The following MAP2K4 variants were observed in gnomAD, a reference collection of about 807,000 sequenced individuals.
MAP2K4 encodes dual specificity mitogen-activated protein kinase kinase 4.
MAP2K4 carries 4 observed loss-of-function variants against 48.5 expected under a neutral mutation model. That is an observed-to-expected ratio of 0.08 (90% CI 0.04 to 0.19). The LOEUF is 0.19. MAP2K4 is among the 10% of genes least tolerant of loss of function. The pLI is 1.00. For missense variants in MAP2K4, 258 were observed against 493.3 expected, an observed-to-expected ratio of 0.52 and a Z score of 4.52; for synonymous variants, 166 against 173.1, an observed-to-expected ratio of 0.96 and a Z score of 0.32.
chr17:12,095,828 T>C (rs1971719043), intron 4 of MAP2K4, 134 bp downstream of exon 4: 1 of 1,147,230 alleles, frequency 8.7e-7, no homozygotes, highest in Non-Finnish European at 1.2e-6. Flanking sequence ...TGTTTAACCA[T>C]GGTAATTTAC....
At chr17:12,112,590 A>C (rs532205388) in intron 6 of MAP2K4, among the ~76,000 whole-genome samples, 2 of 151,780 alleles carry the variant, frequency 1.3e-5, no homozygotes, top group South Asian at 2.1e-4. Context: ...AGTTACATTT[A>C]GATGTTTTCT....
chr17:12,107,382 C>CTTTTTTT (rs71367383), intron 4 of MAP2K4, among the ~76,000 whole-genome samples: 1 of 106,408 alleles, frequency 9.4e-6, no homozygotes, highest in African/African-American at 3.6e-5. Context: ...TGTCTTTTTC[C>CTTTTTTT]TTTTTTTTTT....
chr17:12,083,773 ATTCC>A (rs1476084571), intron 3 of MAP2K4, among the ~76,000 whole-genome samples: 1 of 152,232 alleles, frequency 6.6e-6, no homozygotes, highest in Non-Finnish European at 1.5e-5. Context: ...GAGTTCATTC[ATTCC>A]TCATTTAGGT....
chr17:12,139,116 TATTA>T (rs1375618421), intron 9 of MAP2K4, among the ~76,000 whole-genome samples: 1 of 152,228 alleles, frequency 6.6e-6, no homozygotes, highest in Non-Finnish European at 1.5e-5. Flanking sequence ...ATGTTACCCA[TATTA>T]ATTCATGTTT....
intron 1 of MAP2K4, among the ~76,000 whole-genome samples, chr17:12,031,222 C>T (rs1032828775): frequency 2.6e-5 from 4 of 152,180 alleles, no homozygotes; most frequent in Admixed American, 6.5e-5. Context: ...GCACCAAAGA[C>T]ACTTTTCATG....
chr17:12,065,095 A>G (rs1970566967), intron 2 of MAP2K4, among the ~76,000 whole-genome samples: 1 of 152,092 alleles, frequency 6.6e-6, no homozygotes, highest in African/African-American at 2.4e-5. Context: ...TTCTGAGGTG[A>G]TGGAATGCTC....
intron 9 of MAP2K4, among the ~76,000 whole-genome samples, chr17:12,136,196 AT>A (rs577984923): frequency 2.6e-5 from 4 of 152,210 alleles, no homozygotes; most frequent in Non-Finnish European, 4.4e-5. Context: ...CCACAAAAAA[AT>A]CTCAACACTC....
intron 7 of MAP2K4, among the ~76,000 whole-genome samples, chr17:12,120,058 T>G (rs889884591): frequency 1.3e-5 from 2 of 152,212 alleles, no homozygotes; most frequent in Non-Finnish European, 2.9e-5. Context: ...GGTACTAGGC[T>G]TAGTAACTGG....
At chr17:12,109,726 TTTTA>T (rs1469886233) in intron 5 of MAP2K4, among the ~76,000 whole-genome samples, 2 of 152,204 alleles carry the variant, frequency 1.3e-5, no homozygotes, top group Admixed American at 1.3e-4. Flanking sequence ...TAGAAAACTT[TTTTA>T]TTTACTACTG....
At chr17:12,071,232 C>A (rs1970796801) in intron 2 of MAP2K4, among the ~76,000 whole-genome samples, 1 of 152,026 alleles carries the variant, frequency 6.6e-6, no homozygotes, top group African/African-American at 2.4e-5. Context: ...ATGGACCTAT[C>A]TTTTTTTTGT....
In MAP2K4 at chr17:12,061,225, T is replaced by C. The variant is rs936498099; in HGVS notation, c.218+6234T>C. On this transcript the variant is annotated intron_variant, in intron 2 of 10. Transcript: ENST00000353533. Reference sequence around the variant, plus strand: ...AGCATTTTGTTTAGCCATTCATCTGTTGTTGGACATTTGGGTTGTTTGTAC... The same window carrying C: ...AGCATTTTGTTTAGCCATTCATCTGCTGTTGGACATTTGGGTTGTTTGTAC... Among the ~76,000 whole-genome samples, 7 of 152,254 alleles carry C rather than the reference T, an allele frequency of 4.6e-5. No individual in the cohort carries two copies. The East Asian group carries it at 7.7e-4, about 17-fold the overall frequency.
intron 2 of MAP2K4, among the ~76,000 whole-genome samples, chr17:12,073,709 C>G (rs1970894894): frequency 6.6e-6 from 1 of 151,890 alleles, no homozygotes; most frequent in Admixed American, 6.6e-5. Flanking sequence ...ATCTGTGATG[C>G]CATCACCATA....
At chr17:12,100,631 T>C (rs904759032) in intron 4 of MAP2K4, among the ~76,000 whole-genome samples, 73 of 152,192 alleles carry the variant, frequency 4.8e-4, no homozygotes, top group African/African-American at 1.7e-3. Flanking sequence ...TTTTAAAAAA[T>C]GGACAAACTT....
chr17:12,124,437 A>G (rs1972786866), intron 7 of MAP2K4: 1 of 152,200 alleles, frequency 6.6e-6, no homozygotes. Context: ...TTTGGCTACA[A>G]ATGACTAACA....
intron 1 of MAP2K4, among the ~76,000 whole-genome samples, chr17:12,046,889 T>A (rs1351535242): frequency 6.6e-6 from 1 of 152,148 alleles, no homozygotes; most frequent in East Asian, 1.9e-4. Context: ...TTTTAAGCCT[T>A]CCAACTCTCC....
intron 2 of MAP2K4, among the ~76,000 whole-genome samples, chr17:12,058,961 C>T (rs1970368529): frequency 6.6e-6 from 1 of 152,100 alleles, no homozygotes; most frequent in Non-Finnish European, 1.5e-5. Flanking sequence ...CTTTGTGATA[C>T]ATTTTTATCT....
chr17:12,087,617 A>G (rs1253211129), intron 3 of MAP2K4, among the ~76,000 whole-genome samples: 1 of 101,528 alleles, frequency 9.8e-6, no homozygotes, highest in African/African-American at 3.0e-5. Context: ...GGGTATTACT[A>G]TTAATTAATT....
chr17:12,073,864 C>T (rs908109461), intron 2 of MAP2K4, among the ~76,000 whole-genome samples: 16 of 151,086 alleles, frequency 1.1e-4, no homozygotes, highest in Admixed American at 3.3e-4. Context: ...ACCTCTGCCT[C>T]CCGGGTTGAA....
chr17:12,072,450 G>A (rs1970848228), intron 2 of MAP2K4, among the ~76,000 whole-genome samples: 1 of 152,158 alleles, frequency 6.6e-6, no homozygotes, highest in African/African-American at 2.4e-5. Flanking sequence ...CCATGGGAAT[G>A]AAAGTTTTCT....
Sources: gnomAD v4.1 joint callset for allele counts (sites outside exome capture counted in the v4.1 genomes callset) on GRCh38, gnomAD v4.1.1 for gene constraint, MANE v1.5 for transcripts, NCBI Gene and HGNC (gene_info 2026-07-23, HGNC 2026-07-21) for gene names.